TXNRD1: variants seen among roughly 807,000 people sequenced by gnomAD.
TXNRD1 encodes the protein thioredoxin reductase 1.
In TXNRD1, 57 loss-of-function variants were observed where a neutral mutation model predicts 80.3. The observed-to-expected ratio is 0.71, with a 90% CI of 0.57 to 0.89. TXNRD1 has a LOEUF of 0.89. Ranked by LOEUF, TXNRD1 falls within the 40% of genes least tolerant of loss-of-function variation. The probability of loss-of-function intolerance (pLI) is 0.00; values close to 1 mark genes in which losing one functional copy is unlikely to be tolerated. For synonymous variants in TXNRD1, 291 were observed against 285.2 expected (o/e 1.02, Z -0.20); for missense variants, 730 against 803.0 (o/e 0.91, Z 1.10).
chr12:104,270,175 G>A (rs1463758821), intron 3 of TXNRD1, among the ~76,000 whole-genome samples: 1 of 152,192 alleles, frequency 6.6e-6, no homozygotes, highest in African/African-American at 2.4e-5. Context: ...AATCATGAAT[G>A]TTCTGAATGG....
At chr12:104,223,290 C>T (rs2032395056) in intron 1 of TXNRD1, among the ~76,000 whole-genome samples, 2 of 152,188 alleles carry the variant, frequency 1.3e-5, no homozygotes, top group South Asian at 2.1e-4. Context: ...CGAAGGCTTG[C>T]TGCACTCTAT....
intron 2 of TXNRD1, among the ~76,000 whole-genome samples, chr12:104,255,569 C>T (rs1055988696): frequency 6.6e-6 from 1 of 152,084 alleles, no homozygotes; most frequent in African/African-American, 2.4e-5. Flanking sequence ...GAGGCCGAGG[C>T]GGGCGGATCA....
chr12:104,218,927 A>G (rs1345741642), intron 1 of TXNRD1, among the ~76,000 whole-genome samples: 1 of 152,102 alleles, frequency 6.6e-6, no homozygotes, highest in Non-Finnish European at 1.5e-5. Context: ...TTCTATACAC[A>G]TACATATATA....
intron 1 of TXNRD1, among the ~76,000 whole-genome samples, chr12:104,239,562 C>CT (rs112851464): frequency 6.6e-6 from 1 of 151,782 alleles, no homozygotes; most frequent in African/African-American, 2.4e-5. Context: ...CTTCTCATTC[C>CT]TTTTTTTTCC....
Position 104,334,304 on chromosome 12 carries a change from C to T in TXNRD1, c.1718C>T (p.Ala573Val). The change falls in exon 15 of 17, where the codon GCA becomes GTA. Residue 573 changes from alanine to valine, a missense_variant. Ala to Val is a moderately conservative substitution (Grantham distance 64). Transcript: ENST00000525566. The stretch of plus-strand genomic sequence containing the variant: ...TCAAGAGATAACAACAAATGTTATG[C>T]AAAAATAATCTGTAATACTAAAGAC... ...IPSRDNNKCY[A>V]KIICNTKDNE... 1 of 1,523,134 alleles carries T rather than the reference C, an allele frequency of 6.6e-7. No individual in the cohort carries two copies. The highest frequency in any genetic ancestry group is 8.8e-7 in the Non-Finnish European group (1 of 1,129,968). The allele number at this position is 1,523,134 out of a possible 1,614,324, so 94.4% of individuals were successfully genotyped here. A position where few individuals can be genotyped will look rare whatever the true frequency, so the allele number is the denominator to read the frequency against.
intron 1 of TXNRD1, among the ~76,000 whole-genome samples, chr12:104,217,785 C>A (rs999704727): frequency 3.9e-5 from 6 of 152,198 alleles, no homozygotes; most frequent in African/African-American, 1.2e-4. Context: ...CTTTCTGTTT[C>A]TGTGAAATTT....
Position 104,318,975 on chromosome 12 carries a change from G to A in TXNRD1, c.793G>A (p.Gly265Ser), listed in dbSNP as rs199677400. The A allele has an allele frequency of 3.8e-5, 61 of 1,613,766 alleles. No homozygotes were observed. In the African/African-American group the frequency reaches 6.4e-4, roughly 17 times the overall value. ...VQNHIGSLNWGYRVALREKKV... is the reference protein window; with the variant it reads ...VQNHIGSLNWSYRVALREKKV... The stretch of plus-strand genomic sequence containing the variant: ...GAATCACATTGGCTCTTTGAATTGG[G>A]GCTACCGAGTAGCTCTGCGGGAGAA... The change falls in exon 8 of 17, where the codon GGC becomes AGC. Residue 265 changes from glycine (G) to serine (S), a missense_variant. Physicochemically the swap from Gly to Ser is moderately conservative, Grantham distance 56. Transcript: ENST00000525566.
chr12:104,327,196 T>A (rs1412670668), intron 12 of TXNRD1, among the ~76,000 whole-genome samples: 1 of 152,230 alleles, frequency 6.6e-6, no homozygotes, highest in African/African-American at 2.4e-5. Flanking sequence ...CACATTAGTG[T>A]TTCCTGTTTG....
chr12:104,250,620 C>G (rs1267792025), intron 1 of TXNRD1, among the ~76,000 whole-genome samples: 1 of 152,058 alleles, frequency 6.6e-6, no homozygotes, highest in East Asian at 1.9e-4. Context: ...AACGATATTG[C>G]TGGAAGGATT....
At chr12:104,249,637 C>T (rs987017737) in intron 1 of TXNRD1, among the ~76,000 whole-genome samples, 12 of 152,000 alleles carry the variant, frequency 7.9e-5, no homozygotes, top group African/African-American at 2.9e-4. Flanking sequence ...ACCAAAAGTA[C>T]GATGAAAGTG....
chr12:104,307,280 AGTCT>A (rs1489379170), intron 4 of TXNRD1, among the ~76,000 whole-genome samples: 3 of 152,334 alleles, frequency 2.0e-5, no homozygotes, highest in East Asian at 3.9e-4. Context: ...ACATTATGCT[AGTCT>A]GTCTATATAC....
intron 2 of TXNRD1, 117 bp from the exon 3 acceptor site, chr12:104,257,901 GA>G: frequency 1.4e-6 from 1 of 723,810 alleles, no homozygotes; most frequent in Non-Finnish European, 2.3e-6. Context: ...AAGTGAATTG[GA>G]AAGTTTTCAA....
intron 4 of TXNRD1, chr12:104,304,129 C>T (rs1243831778): frequency 1.2e-6 from 2 of 1,613,924 alleles, no homozygotes; most frequent in South Asian, 1.1e-5. Flanking sequence ...CGAACAACTC[C>T]TTAACCGAGG....
intron 2 of TXNRD1, among the ~76,000 whole-genome samples, chr12:104,252,666 A>C (rs1437865564): frequency 0.013 from 610 of 45,412 alleles, 11 homozygotes; most frequent in African/African-American, 0.048. Flanking sequence ...TATTTTTTAT[A>C]TATATATATA....
chr12:104,257,904 A>G, intron 2 of TXNRD1, 115 bp from the exon 3 acceptor site: 1 of 738,198 alleles, frequency 1.4e-6, no homozygotes, highest in Non-Finnish European at 2.2e-6. Context: ...TGAATTGGAA[A>G]GTTTTCAAAG....
chr12:104,348,531 C>A lies in TXNRD1; in HGVS notation c.*110C>A. On this transcript the variant is annotated 3_prime_UTR_variant, in exon 17 of 17. Coordinates refer to ENST00000525566, the MANE Select transcript of TXNRD1 (RefSeq NM_001093771.3). Reference sequence around the variant, plus strand: ...TCTTGGGCTCTTGGCACCTGCGTGTCCTGTGCTTACCACCGCCCAAGGCCC... The same window carrying A: ...TCTTGGGCTCTTGGCACCTGCGTGTACTGTGCTTACCACCGCCCAAGGCCC... 9.9e-7 allele frequency: 1 copy of A among 1,005,384 alleles called. No individual in the cohort carries two copies. The highest frequency in any genetic ancestry group is 1.5e-6 in the Non-Finnish European group (1 of 656,602). The allele number at this position is 1,005,384 out of a possible 1,614,324, so 62.3% of individuals were successfully genotyped here.
At chr12:104,310,978 A>T (rs1285085711) in intron 4 of TXNRD1, among the ~76,000 whole-genome samples, 1 of 152,206 alleles carries the variant, frequency 6.6e-6, no homozygotes, top group Non-Finnish European at 1.5e-5. Context: ...AACCTAGTTT[A>T]AAAATTCTAG....
intron 1 of TXNRD1, among the ~76,000 whole-genome samples, chr12:104,250,065 G>A (rs1372785293): frequency 1.3e-5 from 2 of 152,096 alleles, no homozygotes; most frequent in East Asian, 1.9e-4. Flanking sequence ...TAGGTGTAGT[G>A]ACAGTATAAC....
At position 104,315,900 on chromosome 12, in the gene TXNRD1, T is replaced by C. The variant is rs1225384194; in HGVS notation, c.730+4T>C. The C allele has an allele frequency of 6.2e-7, 1 of 1,608,028 alleles. No homozygotes were observed. Among genetic ancestry groups the C allele is most frequent in the Admixed American group, 1.7e-5 (1 of 59,796 alleles). On this transcript the variant is annotated splice_donor_region_variant and intron_variant, in intron 7 of 16. Coordinates refer to ENST00000525566, the MANE Select transcript of TXNRD1 (RefSeq NM_001093771.3). ...GGATGGAAAGTCGAGGAGACAGGTATGAGAGGGAAAAGCTACTCTTCTGTT... is the reference window on the plus strand; with the variant it reads ...GGATGGAAAGTCGAGGAGACAGGTACGAGAGGGAAAAGCTACTCTTCTGTT...
Sources: allele counts gnomAD v4.1 joint callset (sites outside exome capture counted in the v4.1 genomes callset), GRCh38; gene constraint gnomAD v4.1.1; transcripts MANE v1.5; gene names NCBI Gene and HGNC (gene_info 2026-07-23, HGNC 2026-07-21).